Variants in TEX14 observed in about 807,000 individuals in gnomAD.
TEX14 encodes testis expressed 14, intercellular bridge forming factor.
TEX14 carries 168 observed loss-of-function variants against 178.6 expected under a neutral mutation model. The ratio of observed to expected loss-of-function variants is 0.94; its 90% CI spans 0.83 to 1.07. The LOEUF is 1.07. TEX14 is among the 50% of genes least tolerant of loss of function. TEX14 has a pLI of 0.00. For missense variants in TEX14, 1,730 were observed against 1,753.6 expected, an observed-to-expected ratio of 0.99 and a Z score of 0.24; for synonymous variants, 626 against 634.1, an observed-to-expected ratio of 0.99 and a Z score of 0.19.
chr17:58,676,912 C>T (rs1277324264), intron 1 of TEX14, among the ~76,000 whole-genome samples: 1 of 152,038 alleles, frequency 6.6e-6, no homozygotes, highest in Non-Finnish European at 1.5e-5. Flanking sequence ...AGGCAGATCA[C>T]CTGAGGCCAG....
At chr17:58,642,526 T>G (rs1403555164) in intron 2 of TEX14, among the ~76,000 whole-genome samples, 1 of 151,794 alleles carries the variant, frequency 6.6e-6, no homozygotes, top group African/African-American at 2.4e-5. Context: ...CATTTTATTT[T>G]ATTTTATTTA....
chr17:58,684,836 C>T (rs760187010), intron 1 of TEX14, among the ~76,000 whole-genome samples: 1 of 151,326 alleles, frequency 6.6e-6, no homozygotes, highest in African/African-American at 2.4e-5. Context: ...ATTAGCTGGG[C>T]GTGGTGTCTC....
intron 1 of TEX14, among the ~76,000 whole-genome samples, chr17:58,652,359 T>C (rs977812950): frequency 1.3e-5 from 2 of 152,198 alleles, no homozygotes; most frequent in Non-Finnish European, 2.9e-5. Context: ...AATTTAATCA[T>C]GGTGGCGGTT....
chr17:58,581,859 T>TA, intron 19 of TEX14: 1 of 968,200 alleles, frequency 1.0e-6, no homozygotes, highest in Admixed American at 2.5e-5. Flanking sequence ...CTGAGCTGAC[T>TA]CTCCCTACCT....
At chr17:58,611,072 G>T in intron 10 of TEX14, 89 bp downstream of exon 10, 1 of 938,354 alleles carries the variant, frequency 1.1e-6, no homozygotes, top group Non-Finnish European at 1.7e-6. Flanking sequence ...CCAATGAGGA[G>T]TCCCACCCAG....
chr17:58,584,794 T>C (rs541550241), intron 18 of TEX14, among the ~76,000 whole-genome samples, 194 bp from the exon 19 acceptor site: 2 of 152,234 alleles, frequency 1.3e-5, no homozygotes, highest in Non-Finnish European at 2.9e-5. Flanking sequence ...CTGGATCATC[T>C]GCCCACCCAT....
chr17:58,643,786 C>T lies in TEX14; in HGVS notation c.136+8080G>A, dbSNP rs542058651. ...AATAGGGAGGCTGAGGCAGGAGAAT[C>T]GCTTGAACCCAGGAGGTGGAGGTTG... On this transcript the variant is annotated intron_variant, in intron 2 of 31. Coordinates refer to ENST00000349033, the MANE Select transcript of TEX14 (RefSeq NM_031272.5). 5.6e-5 allele frequency among the ~76,000 whole-genome samples: 8 copies of T among 142,032 alleles called. No homozygotes were observed. In the East Asian group the frequency reaches 1.7e-3, roughly 30 times the overall value. 93.2% of individuals were successfully genotyped at this position (142,032 alleles called of 152,430 possible).
chr17:58,631,480 C>A (rs1436880671), intron 2 of TEX14, among the ~76,000 whole-genome samples: 1 of 152,062 alleles, frequency 6.6e-6, no homozygotes, highest in African/African-American at 2.4e-5. Context: ...TCACATCTCT[C>A]AAAACACACA....
intron 2 of TEX14, chr17:58,631,646 T>C (rs925089660): frequency 2.7e-5 from 4 of 147,388 alleles, no homozygotes; most frequent in Non-Finnish European, 6.0e-5. Flanking sequence ...CCAGAACTAC[T>C]CAGACTGCCT....
chr17:58,604,332 G>A (rs908524110), intron 11 of TEX14, among the ~76,000 whole-genome samples: 8 of 150,440 alleles, frequency 5.3e-5, no homozygotes, highest in Non-Finnish European at 7.4e-5. Flanking sequence ...TCAGTTGGGC[G>A]TGGTGGTGTG....
At chr17:58,635,491 A>G (rs1200112156) in intron 2 of TEX14, among the ~76,000 whole-genome samples, 1 of 146,308 alleles carries the variant, frequency 6.8e-6, no homozygotes, top group Non-Finnish European at 1.5e-5. Flanking sequence ...GTACAGTGGC[A>G]TGATCTTGGC....
intron 1 of TEX14, among the ~76,000 whole-genome samples, chr17:58,669,224 C>T (rs914570885): frequency 2.0e-5 from 3 of 151,792 alleles, no homozygotes; most frequent in East Asian, 1.9e-4. Context: ...TGGTGGTACA[C>T]GCCTCTAATT....
At chr17:58,587,240 C>T (rs962556155) in intron 17 of TEX14, among the ~76,000 whole-genome samples, 2 of 152,030 alleles carry the variant, frequency 1.3e-5, no homozygotes, top group Admixed American at 1.3e-4. Context: ...TGCTTAAAGT[C>T]GTAGTTTGCT....
chr17:58,684,184 A>T (rs910281642), intron 1 of TEX14, among the ~76,000 whole-genome samples: 2 of 152,048 alleles, frequency 1.3e-5, no homozygotes, highest in Middle Eastern at 3.4e-3. Flanking sequence ...TCCGCCCGGC[A>T]TGGTGACTCA....
chr17:58,586,996 C>T (rs1225407534), intron 17 of TEX14, among the ~76,000 whole-genome samples: 1 of 152,168 alleles, frequency 6.6e-6, no homozygotes, highest in Non-Finnish European at 1.5e-5. Context: ...TAGGTTCCAG[C>T]CACCTGTGAC....
chr17:58,606,390 A>T (rs577703758), intron 10 of TEX14, among the ~76,000 whole-genome samples: 1 of 152,326 alleles, frequency 6.6e-6, no homozygotes, highest in South Asian at 2.1e-4. Context: ...TAAGTTTTTA[A>T]AAAGCAAGTG....
chr17:58,620,492 G>A (rs572269645), intron 5 of TEX14, among the ~76,000 whole-genome samples: 6 of 150,616 alleles, frequency 4.0e-5, no homozygotes, highest in East Asian at 1.9e-4. Flanking sequence ...CAACACACTC[G>A]GCTAATATTT....
chr17:58,609,175 T>C (rs1179056274), intron 10 of TEX14, among the ~76,000 whole-genome samples: 2 of 152,162 alleles, frequency 1.3e-5, no homozygotes, highest in Admixed American at 6.5e-5. Flanking sequence ...AGTGGCGTGA[T>C]CTTGGCTCAC....
chr17:58,683,010 G>A (rs1261232307), intron 1 of TEX14, among the ~76,000 whole-genome samples: 3 of 142,680 alleles, frequency 2.1e-5, no homozygotes, highest in South Asian at 2.2e-4. Flanking sequence ...TCGAGATCGC[G>A]CCATTGCACT....
Sources: gnomAD v4.1 joint callset for allele counts (sites outside exome capture counted in the v4.1 genomes callset) on GRCh38, gnomAD v4.1.1 for gene constraint, MANE v1.5 for transcripts, NCBI Gene and HGNC (gene_info 2026-07-23, HGNC 2026-07-21) for gene names.